GSAP: variants seen among roughly 807,000 people sequenced by gnomAD.
GSAP encodes gamma-secretase-activating protein.
GSAP carries 118 observed loss-of-function variants against 131.7 expected under a neutral mutation model. That is an observed-to-expected ratio of 0.90 (90% CI 0.77 to 1.04). The LOEUF is 1.04. Ranked by LOEUF, GSAP falls within the 50% of genes least tolerant of loss-of-function variation. GSAP has a pLI of 0.00. For missense variants in GSAP, 1,019 were observed against 1,013.2 expected (o/e 1.01, Z -0.08); for synonymous variants, 381 against 363.4 (o/e 1.05, Z -0.55).
rs35614699 is a variant in GSAP, at chr7:77,400,936, A to ATT, written c.244-3523_244-3522dup. ...TCACAACTGAAAAATACAATTACCAATTTTTTTTTTTTTTTTTTAACAAAA... is the reference window on the plus strand; with the variant it reads ...TCACAACTGAAAAATACAATTACCAATTTTTTTTTTTTTTTTTTTTAACAAAA... On this transcript the variant is annotated intron_variant, in intron 3 of 30. Transcript: ENST00000257626. 7.4e-3 allele frequency among the ~76,000 whole-genome samples: 1,050 copies of ATT among 141,974 alleles called. 16 individuals carry two copies. Among genetic ancestry groups the ATT allele is most frequent in the African/African-American group, 0.018 (683 of 38,572 alleles). 93.1% of individuals were successfully genotyped at this position (141,974 alleles called of 152,430 possible). A position where few individuals can be genotyped will look rare whatever the true frequency, so the allele number is the denominator to read the frequency against.
rs892813912 is a variant in GSAP at position 77,360,882 on chromosome 7, G to A, written c.969C>T (p.Thr323=). The change falls in exon 14 of 31, where the codon ACC becomes ACT. Residue 323 remains threonine, a synonymous_variant. Transcript: ENST00000257626. ...YIHKGHSKTF[T]TSLENVGSHM... ...GTGACCCAACATTCTCAAGAGAAGTGGTGAAGGTCTTGCTGTGTCCTGCAA... is the reference window on the plus strand; with the variant it reads ...GTGACCCAACATTCTCAAGAGAAGTAGTGAAGGTCTTGCTGTGTCCTGCAA... 6 of 1,600,732 alleles carry A rather than the reference G, an allele frequency of 3.7e-6. No homozygotes were observed. Among genetic ancestry groups the A allele is most frequent in the Non-Finnish European group, 4.3e-6 (5 of 1,168,128 alleles).
At chr7:77,323,603 G>T in intron 24 of GSAP, 44 bp downstream of exon 24, 1 of 913,454 alleles carries the variant, frequency 1.1e-6, no homozygotes. Context: ...TATATGGGGA[G>T]TGGGGTGAAG....
chr7:77,351,962 C>T (rs114482108), intron 18 of GSAP, among the ~76,000 whole-genome samples: 196 of 152,268 alleles, frequency 1.3e-3, no homozygotes, highest in African/African-American at 4.5e-3. Flanking sequence ...AAAAGAAAAA[C>T]GTGGGTGCCT....
chr7:77,398,585 G>A (rs901159500), intron 3 of GSAP, among the ~76,000 whole-genome samples: 5 of 152,044 alleles, frequency 3.3e-5, no homozygotes, highest in Admixed American at 6.6e-5. Context: ...TGGACACCAC[G>A]ACAAAATCCT....
chr7:77,355,447 A>G lies in GSAP; in HGVS notation c.1121-17T>C, dbSNP rs1404346556. The G allele has an allele frequency of 6.4e-7, 1 of 1,566,668 alleles. No individual in the cohort carries two copies. Among genetic ancestry groups the G allele is most frequent in the African/African-American group, 1.4e-5 (1 of 72,784 alleles). On this transcript the variant is annotated splice_polypyrimidine_tract_variant and intron_variant, in intron 15 of 30. Transcript: ENST00000257626. ...CATTATTTCCTGGCAAAAAAAAAAA[A>G]AACAGTAGATCAGCAAATAGAAGAA...
Position 77,350,174 on chromosome 7 carries a change from C to CA in GSAP, c.1492-771dup, listed in dbSNP as rs1792589810. Among the ~76,000 whole-genome samples, 3 of 145,964 alleles carry CA rather than the reference C, an allele frequency of 2.1e-5. No homozygotes were observed. The South Asian group carries it at 6.5e-4, about 32-fold the overall frequency. On this transcript the variant is annotated intron_variant, in intron 18 of 30. Transcript: ENST00000257626. ...CATTCTCAGTAAACTATCGCAAGGA[C>CA]AAAAAACCAAACACTGCATGTTCTC...
chr7:77,328,370 T>C (rs1171971253), intron 22 of GSAP: 2 of 1,265,588 alleles, frequency 1.6e-6, no homozygotes, highest in Non-Finnish European at 2.0e-6. Context: ...CGCAAGGCCA[T>C]CACCCAGGGA....
At chr7:77,316,124 T>G (rs1370587048) in intron 26 of GSAP, 7 of 152,208 alleles carry the variant, frequency 4.6e-5, no homozygotes. Context: ...AGGCAAAGAA[T>G]GAGTTGGAGT....
chr7:77,373,383 C>A (rs773146797), intron 12 of GSAP, among the ~76,000 whole-genome samples: 2 of 152,146 alleles, frequency 1.3e-5, no homozygotes, highest in Non-Finnish European at 2.9e-5. Context: ...TAAAGGAATA[C>A]AATTTTAGTC....
At chr7:77,328,306 C>T (rs1212106136) in intron 22 of GSAP, 2 of 1,145,568 alleles carry the variant, frequency 1.7e-6, no homozygotes, top group Admixed American at 4.7e-5. Flanking sequence ...TGCCAAAATG[C>T]ATCCTGTGGG....
chr7:77,349,296 C>A, intron 19 of GSAP, 55 bp downstream of exon 19: 1 of 1,341,250 alleles, frequency 7.5e-7, no homozygotes, highest in Non-Finnish European at 1.1e-6. Context: ...AATACTCAGG[C>A]AGCAGAGCTT....
chr7:77,408,261 A>G (rs1374336946), intron 1 of GSAP, among the ~76,000 whole-genome samples: 2 of 152,214 alleles, frequency 1.3e-5, no homozygotes, highest in Non-Finnish European at 2.9e-5. Context: ...CATTTAACCT[A>G]TAAGTTAACT....
chr7:77,357,483 G>A (rs749793360), intron 14 of GSAP, among the ~76,000 whole-genome samples: 21 of 152,300 alleles, frequency 1.4e-4, no homozygotes, highest in Non-Finnish European at 2.6e-4. Flanking sequence ...AATGAGGAAA[G>A]TAGTTGGAAC....
At chr7:77,402,348 C>T (rs1801448162) in intron 3 of GSAP, among the ~76,000 whole-genome samples, 1 of 144,258 alleles carries the variant, frequency 6.9e-6, no homozygotes, top group Non-Finnish European at 1.5e-5. Context: ...AGATTGAGAC[C>T]ATCCTGGCCA....
chr7:77,345,888 C>T (rs994987212), intron 19 of GSAP, among the ~76,000 whole-genome samples: 3 of 152,200 alleles, frequency 2.0e-5, no homozygotes, highest in African/African-American at 7.2e-5. Context: ...ACATCCCTTT[C>T]ATTGAATATC....
At position 77,386,805 on chromosome 7, in the gene GSAP, G is replaced by A. The variant is rs148874237; in HGVS notation, c.456+555C>T. On this transcript the variant is annotated intron_variant, in intron 6 of 30. Coordinates refer to ENST00000257626, the MANE Select transcript of GSAP (RefSeq NM_017439.4). ...CATCACCGTGTTCAACCTCAATTGC[G>A]AATGTGCATGTTGGGTGACAAATTC... 4.2e-4 allele frequency among the ~76,000 whole-genome samples: 64 copies of A among 152,320 alleles called. No individual in the cohort carries two copies. In the East Asian group the frequency reaches 8.3e-3, roughly 20 times the overall value.
At chr7:77,356,006 G>A (rs1037407234) in intron 14 of GSAP, among the ~76,000 whole-genome samples, 1 of 141,634 alleles carries the variant, frequency 7.1e-6, no homozygotes, top group African/African-American at 2.9e-5. Context: ...TGCCCAGGCT[G>A]GTCTTGAACT....
chr7:77,364,140 T>C (rs535895280), intron 12 of GSAP, among the ~76,000 whole-genome samples: 2 of 152,238 alleles, frequency 1.3e-5, no homozygotes, highest in South Asian at 2.1e-4. Flanking sequence ...GATAATGAAA[T>C]ACTGTCAAGG....
chr7:77,380,577 T>G (rs1468090059), intron 8 of GSAP, among the ~76,000 whole-genome samples: 2 of 152,142 alleles, frequency 1.3e-5, no homozygotes, highest in Admixed American at 1.3e-4. Flanking sequence ...AGTTTACTTG[T>G]AGGTAATGCC....
Sources: gnomAD v4.1 joint callset for allele counts (sites outside exome capture counted in the v4.1 genomes callset) on GRCh38, gnomAD v4.1.1 for gene constraint, MANE v1.5 for transcripts, NCBI Gene and HGNC (gene_info 2026-07-23, HGNC 2026-07-21) for gene names.